OPRK1: variants seen among roughly 807,000 people sequenced by gnomAD.
OPRK1 encodes the protein kappa-type opioid receptor.
Under a neutral mutation model 24.5 loss-of-function variants are expected in OPRK1, and 15 were observed. The ratio of observed to expected loss-of-function variants is 0.61; its 90% CI spans 0.41 to 0.94. The LOEUF is 0.94. Ranked by LOEUF, OPRK1 falls within the 40% of genes least tolerant of loss-of-function variation. The probability of loss-of-function intolerance (pLI) is 0.00; values close to 1 mark genes in which losing one functional copy is unlikely to be tolerated. For missense variants in OPRK1, 479 were observed against 507.3 expected (o/e 0.94, Z 0.54); for synonymous variants, 205 against 198.0 (o/e 1.04, Z -0.30).
At chr8:53,250,526 G>A (rs1807349926) in intron 2 of OPRK1, among the ~76,000 whole-genome samples, 1 of 152,142 alleles carries the variant, frequency 6.6e-6, no homozygotes, top group African/African-American at 2.4e-5. Flanking sequence ...GGTGGGGTCG[G>A]GGGGTTACTC....
intron 2 of OPRK1, among the ~76,000 whole-genome samples, chr8:53,237,081 C>A (rs968601899): frequency 1.3e-5 from 2 of 152,100 alleles, no homozygotes; most frequent in African/African-American, 4.8e-5. Flanking sequence ...AATGAATGCA[C>A]CTGACCCAGA....
chr8:53,245,657 G>A (rs773203743), intron 2 of OPRK1, among the ~76,000 whole-genome samples: 7 of 152,184 alleles, frequency 4.6e-5, no homozygotes, highest in African/African-American at 7.2e-5. Context: ...TTGTCAGAAT[G>A]TACCTGACAG....
chr8:53,243,231 C>A (rs907719084), intron 2 of OPRK1, among the ~76,000 whole-genome samples: 34 of 152,126 alleles, frequency 2.2e-4, no homozygotes, highest in African/African-American at 6.8e-4. Flanking sequence ...ACTCCTGGGG[C>A]CATGACAATT....
At chr8:53,231,551 C>G (rs544260623) in intron 3 of OPRK1, among the ~76,000 whole-genome samples, 15 of 152,154 alleles carry the variant, frequency 9.9e-5, no homozygotes, top group African/African-American at 3.6e-4. Context: ...TTATATTCAC[C>G]CAATTTCCCA....
At chr8:53,235,151 A>G (rs1171779342) in intron 2 of OPRK1, 40 bp from the exon 3 acceptor site, 1 of 1,547,394 alleles carries the variant, frequency 6.5e-7, no homozygotes, top group Non-Finnish European at 8.8e-7. Flanking sequence ...TCCATTTTCA[A>G]GTCAAACCCA....
intron 2 of OPRK1, among the ~76,000 whole-genome samples, chr8:53,236,857 G>A (rs7822011): frequency 0.044 from 6,644 of 152,154 alleles, 164 homozygotes; most frequent in African/African-American, 0.063. Context: ...TCTGACTCCT[G>A]CTCTTGTATT....
rs1278784402 is a variant in OPRK1, at chr8:53,227,714, G to A, written c.*1583C>T. 1 of 152,034 alleles carries A rather than the reference G, an allele frequency of 6.6e-6. No individual in the cohort carries two copies. The highest frequency in any genetic ancestry group is 1.5e-5 in the Non-Finnish European group (1 of 68,024). The allele number at this position is 152,034 out of a possible 1,614,324, so 9.4% of individuals were successfully genotyped here. ...GGTCAGAGTAACATTCTGAAGCCATGTGTAAAACCTTCAATGCAAGGTTTT... is the reference window on the plus strand; with the variant it reads ...GGTCAGAGTAACATTCTGAAGCCATATGTAAAACCTTCAATGCAAGGTTTT... On this transcript the variant is annotated 3_prime_UTR_variant, in exon 4 of 4. Coordinates refer to ENST00000265572, the MANE Select transcript of OPRK1 (RefSeq NM_000912.5).
At chr8:53,243,707 A>T (rs772668242) in intron 2 of OPRK1, among the ~76,000 whole-genome samples, 3 of 152,252 alleles carry the variant, frequency 2.0e-5, no homozygotes, top group Admixed American at 2.0e-4. Flanking sequence ...TTACTTTGAG[A>T]AATGAAAGAT....
At chr8:53,236,863 G>A (rs1327933494) in intron 2 of OPRK1, among the ~76,000 whole-genome samples, 1 of 152,090 alleles carries the variant, frequency 6.6e-6, no homozygotes, top group Non-Finnish European at 1.5e-5. Flanking sequence ...TCCTGCTCTT[G>A]TATTTTATGA....
chr8:53,227,477 T>C lies in OPRK1; in HGVS notation c.*1820A>G, dbSNP rs756650902. On this transcript the variant is annotated 3_prime_UTR_variant, in exon 4 of 4. Coordinates refer to ENST00000265572, the MANE Select transcript of OPRK1 (RefSeq NM_000912.5). ...CTATATAGATATCCTTCCTGTACCA[T>C]AGCCAAGATTTTTAACTATGGGATT... 6.6e-6 allele frequency: 1 copy of C among 152,194 alleles called. No homozygotes were observed. The highest frequency in any genetic ancestry group is 2.4e-5 in the African/African-American group (1 of 41,442). 9.4% of individuals were successfully genotyped at this position (152,194 alleles called of 1,614,324 possible). A position where few individuals can be genotyped will look rare whatever the true frequency, so the allele number is the denominator to read the frequency against.
At position 53,235,113 on chromosome 8, in the gene OPRK1, T is replaced by C. The variant is rs1214117707; in HGVS notation, c.258-2A>G. ...GTTGCTGTCTTCATCTTTGTGTATC[T>C]AAAAGAAAAGAAACAATAGCATTTC... On this transcript the variant is annotated splice_acceptor_variant, in intron 2 of 3. Transcript: ENST00000265572. LOFTEE classifies it high-confidence loss of function. 6.2e-7 allele frequency: 1 copy of C among 1,608,332 alleles called. No individual in the cohort carries two copies. Among genetic ancestry groups the C allele is most frequent in the Admixed American group, 1.7e-5 (1 of 59,584 alleles).
At chr8:53,236,750 T>C (rs1426488715) in intron 2 of OPRK1, among the ~76,000 whole-genome samples, 1 of 152,158 alleles carries the variant, frequency 6.6e-6, no homozygotes, top group Admixed American at 6.5e-5. Context: ...AAATATGGTT[T>C]TATGTTTGAA....
Position 53,234,971 on chromosome 8 carries a change from A to G in OPRK1, c.398T>C (p.Ile133Thr), listed in dbSNP as rs146859342. 3.1e-4 allele frequency: 498 copies of G among 1,614,214 alleles called. No homozygotes were observed. Among genetic ancestry groups the G allele is most frequent in the Non-Finnish European group, 3.9e-4 (464 of 1,180,038 alleles). Residue 133 changes from isoleucine (I) to threonine (T), a missense_variant, in exon 3 of 4, where the codon ATA (isoleucine) becomes ACA (threonine). Ile to Thr is a moderately conservative substitution (Grantham distance 89). Transcript: ENST00000265572. ...SWPFGDVLCK[I>T]VISIDYYNMF... The stretch of plus-strand genomic sequence containing the variant: ...GTTGTAGTAATCAATGGAAATTACT[A>G]TCTTGCACAGCACATCCCCAAAAGG...
At chr8:53,234,634 CACT>C in intron 3 of OPRK1, 122 bp downstream of exon 3, 1 of 758,166 alleles carries the variant, frequency 1.3e-6, no homozygotes, top group South Asian at 1.8e-5. Flanking sequence ...TGGATTTAGG[CACT>C]ACATTTCCGT....
At chr8:53,239,227 T>C (rs1807062312) in intron 2 of OPRK1, among the ~76,000 whole-genome samples, 1 of 152,188 alleles carries the variant, frequency 6.6e-6, no homozygotes, top group African/African-American at 2.4e-5. Context: ...AGTAGCAATA[T>C]ACTAGACTTT....
At position 53,226,758 on chromosome 8, in the gene OPRK1, T is replaced by C. The variant is rs1806701498; in HGVS notation, c.*2539A>G. The stretch of plus-strand genomic sequence containing the variant: ...TTACTTTATCATTCCTTTAAAGCAG[T>C]ACCCTAAAATGATATTCCCTTCTTC... On this transcript the variant is annotated 3_prime_UTR_variant, in exon 4 of 4. Coordinates refer to ENST00000265572, the MANE Select transcript of OPRK1 (RefSeq NM_000912.5). The C allele has an allele frequency of 7.8e-6, 1 of 127,982 alleles. No homozygotes were observed. Among genetic ancestry groups the C allele is most frequent in the African/African-American group, 3.4e-5 (1 of 29,276 alleles). 7.9% of individuals were successfully genotyped at this position (127,982 alleles called of 1,614,324 possible).
Position 53,250,921 on chromosome 8 carries a change from G to T in OPRK1, c.117C>A (p.Asn39Lys). ...WFPGWAEPDS[N>K]GSAGSEDAQL... ...GCGCGTCCTCCGAGCCGGCGCTGCC[G>T]TTGCTGTCGGGCTCGGCCCAGCCGG... The change falls in exon 2 of 4, where the codon AAC (asparagine) becomes AAA (lysine). Residue 39 changes from asparagine to lysine, a missense_variant. Asn to Lys is a moderately conservative substitution (Grantham distance 94). Coordinates refer to ENST00000265572, the MANE Select transcript of OPRK1 (RefSeq NM_000912.5). 6.2e-7 allele frequency: 1 copy of T among 1,612,174 alleles called. No homozygotes were observed. Among genetic ancestry groups the T allele is most frequent in the Non-Finnish European group, 8.5e-7 (1 of 1,179,322 alleles).
rs1806746835 is a variant in OPRK1, at chr8:53,227,931, A to C, written c.*1366T>G. 1 of 152,166 alleles carries C rather than the reference A, an allele frequency of 6.6e-6. No homozygotes were observed. The highest frequency in any genetic ancestry group is 6.5e-5 in the Admixed American group (1 of 15,278). 9.4% of individuals were successfully genotyped at this position (152,166 alleles called of 1,614,324 possible). A position where few individuals can be genotyped will look rare whatever the true frequency, so the allele number is the denominator to read the frequency against. On this transcript the variant is annotated 3_prime_UTR_variant, in exon 4 of 4. Transcript: ENST00000265572. The stretch of plus-strand genomic sequence containing the variant: ...ATTATCCCTTTTTTCTTCTCAGGCA[A>C]ATTACAGAAAAAGCCATTACCTCTG...
Position 53,250,930 on chromosome 8 carries a change from G to A in OPRK1, c.108C>T (p.Pro36=), listed in dbSNP as rs199902624. ...CCGAGCCGGCGCTGCCGTTGCTGTC[G>A]GGCTCGGCCCAGCCGGGAAACCAGG... is the stretch of plus-strand genomic sequence containing the variant. ...SSAWFPGWAE[P]DSNGSAGSED... is the part of the protein sequence containing the mutation. Residue 36 remains proline (P), a synonymous_variant, in exon 2 of 4, where the codon CCC becomes CCT. Coordinates refer to ENST00000265572, the MANE Select transcript of OPRK1 (RefSeq NM_000912.5). 3.5e-4 allele frequency: 558 copies of A among 1,611,656 alleles called. 10 individuals carry two copies. The South Asian group carries it at 5.9e-3, about 17-fold the overall frequency.
Sources: gnomAD v4.1 joint callset for allele counts (sites outside exome capture counted in the v4.1 genomes callset) on GRCh38, gnomAD v4.1.1 for gene constraint, MANE v1.5 for transcripts, NCBI Gene and HGNC (gene_info 2026-07-23, HGNC 2026-07-21) for gene names.